Variants in BBX observed in about 807,000 individuals in gnomAD.
BBX encodes BBX high mobility group box domain containing.
Under a neutral mutation model 100.2 loss-of-function variants are expected in BBX, and 30 were observed. That is an observed-to-expected ratio of 0.30 (90% CI 0.22 to 0.41). BBX has a LOEUF of 0.41. Among genes scored for constraint, BBX ranks in the 10% least tolerant of loss-of-function variants. The pLI is 1.00. For missense variants in BBX, 1,023 were observed against 1,129.8 expected, an observed-to-expected ratio of 0.91 and a Z score of 1.35; for synonymous variants, 376 against 388.1, an observed-to-expected ratio of 0.97 and a Z score of 0.37.
chr3:107,541,668 C>A (rs899953517), intron 2 of BBX, among the ~76,000 whole-genome samples: 3 of 151,930 alleles, frequency 2.0e-5, no homozygotes, highest in East Asian at 1.9e-4. Context: ...TAATCCCCCC[C>A]CCATGAGACA....
intron 2 of BBX, among the ~76,000 whole-genome samples, chr3:107,626,754 A>G (rs764350019): frequency 1.1e-4 from 17 of 151,264 alleles, no homozygotes; most frequent in Non-Finnish European, 2.4e-4. Context: ...TCCTGGGTTC[A>G]AGTGATTTTC....
At chr3:107,538,108 G>A (rs678825) in intron 2 of BBX, among the ~76,000 whole-genome samples, 42,941 of 152,042 alleles carry the variant, frequency 0.28, 6,492 homozygotes, top group African/African-American at 0.33. Context: ...CTTCTTTTTA[G>A]GTTTCGTATG....
intron 3 of BBX, among the ~76,000 whole-genome samples, chr3:107,704,116 C>T (rs557905052): frequency 6.6e-6 from 1 of 152,168 alleles, no homozygotes; most frequent in South Asian, 2.1e-4. Context: ...AACCCTGTTG[C>T]TTTAAGTGGA....
At chr3:107,720,372 G>A (rs909196135) in intron 5 of BBX, among the ~76,000 whole-genome samples, 4 of 151,924 alleles carry the variant, frequency 2.6e-5, no homozygotes, top group Non-Finnish European at 5.9e-5. Flanking sequence ...GCTGGGGAGG[G>A]AAGTGGGTGG....
At chr3:107,577,285 C>T (rs547109903) in intron 2 of BBX, among the ~76,000 whole-genome samples, 13 of 152,258 alleles carry the variant, frequency 8.5e-5, no homozygotes, top group African/African-American at 2.9e-4. Flanking sequence ...AGGGGGTGGA[C>T]TCAGTATATG....
chr3:107,613,639 A>G (rs1056456956), intron 2 of BBX, among the ~76,000 whole-genome samples: 1 of 152,036 alleles, frequency 6.6e-6, no homozygotes, highest in African/African-American at 2.4e-5. Context: ...CAGAGATAGG[A>G]TATCAGGGGA....
chr3:107,696,606 A>C (rs1354520697), intron 3 of BBX, among the ~76,000 whole-genome samples: 3 of 151,564 alleles, frequency 2.0e-5, no homozygotes, highest in East Asian at 1.9e-4. Flanking sequence ...GGTAATCCGA[A>C]CTTTCTCTCT....
intron 3 of BBX, among the ~76,000 whole-genome samples, chr3:107,695,592 T>G (rs2060530537): frequency 6.6e-6 from 1 of 151,196 alleles, no homozygotes; most frequent in Non-Finnish European, 1.5e-5. Context: ...CTTTTACATT[T>G]GCTGAGGAGA....
At chr3:107,771,658 A>G (rs1229811429) in intron 10 of BBX, among the ~76,000 whole-genome samples, 1 of 152,222 alleles carries the variant, frequency 6.6e-6, no homozygotes, top group Non-Finnish European at 1.5e-5. Flanking sequence ...AGCTGAGTTC[A>G]CATCAGATCA....
At chr3:107,775,746 T>C (rs1241576785) in intron 12 of BBX, among the ~76,000 whole-genome samples, 1 of 152,144 alleles carries the variant, frequency 6.6e-6, no homozygotes, top group Non-Finnish European at 1.5e-5. Flanking sequence ...ATATTTTTCC[T>C]TAGATGTCAC....
At position 107,651,528 on chromosome 3, in the gene BBX, A is replaced by AT. The variant is rs1387611718; in HGVS notation, c.-10+5620dup. On this transcript the variant is annotated intron_variant, in intron 3 of 17. Transcript: ENST00000325805. ...GTATTTGAAAATTAAGTTGAACAAGATAATTACTCTTTTGGGTTATACCTG... is the reference window on the plus strand; with the variant it reads ...GTATTTGAAAATTAAGTTGAACAAGATTAATTACTCTTTTGGGTTATACCTG... Among the ~76,000 whole-genome samples, 4 of 152,332 alleles carry AT rather than the reference A, an allele frequency of 2.6e-5. No homozygotes were observed. In the East Asian group the frequency reaches 7.7e-4, roughly 29 times the overall value.
At chr3:107,625,271 A>G (rs545933783) in intron 2 of BBX, among the ~76,000 whole-genome samples, 46 of 152,046 alleles carry the variant, frequency 3.0e-4, no homozygotes, top group African/African-American at 1.1e-3. Flanking sequence ...TCAGCTGTGT[A>G]TAATCTAATT....
chr3:107,787,653 G>C (rs2068579238), intron 13 of BBX, among the ~76,000 whole-genome samples: 1 of 152,182 alleles, frequency 6.6e-6, no homozygotes, highest in Non-Finnish European at 1.5e-5. Context: ...TTTCAACAAA[G>C]CTGTTTTTAA....
intron 3 of BBX, among the ~76,000 whole-genome samples, chr3:107,649,812 G>A (rs187109096): frequency 9.2e-5 from 14 of 152,202 alleles, no homozygotes; most frequent in Admixed American, 3.9e-4. Flanking sequence ...ATTCGTTACC[G>A]CATAATCTAA....
At chr3:107,609,400 A>G (rs1387813827) in intron 2 of BBX, among the ~76,000 whole-genome samples, 3 of 152,144 alleles carry the variant, frequency 2.0e-5, no homozygotes, top group Non-Finnish European at 4.4e-5. Flanking sequence ...CTGGCCTTGA[A>G]GAATGAGTTT....
At chr3:107,684,712 A>G (rs1050610574) in intron 3 of BBX, 1 of 152,242 alleles carries the variant, frequency 6.6e-6, no homozygotes, top group Non-Finnish European at 1.5e-5. Flanking sequence ...TATGAACAGT[A>G]AGAAAAATGC....
intron 3 of BBX, among the ~76,000 whole-genome samples, chr3:107,660,007 A>G (rs796934929): frequency 3.3e-5 from 5 of 152,244 alleles, no homozygotes; most frequent in South Asian, 2.1e-4. Context: ...TGAGTTTTCT[A>G]ATGATGACAC....
intron 3 of BBX, among the ~76,000 whole-genome samples, chr3:107,650,568 TC>T (rs2057783057): frequency 6.6e-6 from 1 of 152,224 alleles, no homozygotes; most frequent in African/African-American, 2.4e-5. Context: ...TTATGCTTTT[TC>T]TAAAATGACT....
At chr3:107,564,886 TG>T (rs755316459) in intron 2 of BBX, among the ~76,000 whole-genome samples, 2 of 152,202 alleles carry the variant, frequency 1.3e-5, no homozygotes, top group Admixed American at 6.5e-5. Flanking sequence ...ATGTTGCATT[TG>T]GATTTTTATC....
Sources: allele counts gnomAD v4.1 joint callset (sites outside exome capture counted in the v4.1 genomes callset), GRCh38; gene constraint gnomAD v4.1.1; transcripts MANE v1.5; gene names NCBI Gene and HGNC (gene_info 2026-07-23, HGNC 2026-07-21).